The following IKZF2 variants were observed in gnomAD, a reference collection of about 807,000 sequenced individuals.
IKZF2 encodes the protein zinc finger protein Helios.
In IKZF2, 15 loss-of-function variants were observed where a neutral mutation model predicts 49.2. The ratio of observed to expected loss-of-function variants is 0.30; its 90% confidence interval spans 0.20 to 0.47. The LOEUF is 0.47. IKZF2 is among the 20% of genes least tolerant of loss of function. The pLI is 1.00. For synonymous variants in IKZF2, 227 were observed against 221.4 expected (o/e 1.03, Z -0.23); for missense variants, 567 against 664.6 (o/e 0.85, Z 1.61).
intron 4 of IKZF2, among the ~76,000 whole-genome samples, chr2:213,120,044 C>T (rs1242784746): frequency 6.6e-6 from 1 of 152,186 alleles, no homozygotes; most frequent in Non-Finnish European, 1.5e-5. Flanking sequence ...TTCTTCAAGG[C>T]CAGTTCCTAC....
intron 6 of IKZF2, among the ~76,000 whole-genome samples, chr2:213,047,308 G>GC (rs1366243761): frequency 6.6e-6 from 1 of 152,114 alleles, no homozygotes; most frequent in East Asian, 1.9e-4. Context: ...GAATCAGCTG[G>GC]CTACATGGAG....
At chr2:213,026,762 T>C (rs1282716886) in intron 6 of IKZF2, among the ~76,000 whole-genome samples, 1 of 152,144 alleles carries the variant, frequency 6.6e-6, no homozygotes, top group Non-Finnish European at 1.5e-5. Flanking sequence ...TACACTGTTA[T>C]TTTATAACCT....
At chr2:213,127,328 C>T (rs1394415553) in intron 4 of IKZF2, among the ~76,000 whole-genome samples, 1 of 152,082 alleles carries the variant, frequency 6.6e-6, no homozygotes, top group African/African-American at 2.4e-5. Context: ...TAATTTCAAA[C>T]CTCTTCCCAA....
intron 4 of IKZF2, among the ~76,000 whole-genome samples, chr2:213,062,210 G>A (rs961173706): frequency 1.3e-5 from 2 of 151,500 alleles, no homozygotes; most frequent in Admixed American, 6.6e-5. Context: ...ACATAGTAAT[G>A]AGAACTGAAA....
chr2:213,083,363 G>C (rs528237714), intron 4 of IKZF2, among the ~76,000 whole-genome samples: 1 of 140,338 alleles, frequency 7.1e-6, no homozygotes, highest in Admixed American at 7.1e-5. Flanking sequence ...TATGGCACTA[G>C]ATTCTCATAG....
At chr2:213,053,488 AAGAC>A (rs1381447119) in intron 5 of IKZF2, among the ~76,000 whole-genome samples, 1 of 152,202 alleles carries the variant, frequency 6.6e-6, no homozygotes, top group African/African-American at 2.4e-5. Flanking sequence ...TGGTGAATCA[AAGAC>A]AGAGGGTGCT....
intron 4 of IKZF2, among the ~76,000 whole-genome samples, chr2:213,125,192 T>A (rs1313110761): frequency 6.6e-6 from 1 of 152,192 alleles, no homozygotes; most frequent in Non-Finnish European, 1.5e-5. Flanking sequence ...GTGTATAACA[T>A]TTGAAAATTT....
At chr2:213,131,761 G>A (rs1395411583) in intron 4 of IKZF2, among the ~76,000 whole-genome samples, 1 of 152,160 alleles carries the variant, frequency 6.6e-6, no homozygotes, top group East Asian at 1.9e-4. Flanking sequence ...GACTAGCTGG[G>A]TGATTTGGTC....
At chr2:213,095,946 G>T (rs1165423629) in intron 4 of IKZF2, among the ~76,000 whole-genome samples, 2 of 151,858 alleles carry the variant, frequency 1.3e-5, no homozygotes, top group Non-Finnish European at 2.9e-5. Flanking sequence ...ATTCCCATTT[G>T]TAGTATCTTT....
chr2:213,015,530 C>A (rs1167642780), intron 7 of IKZF2, among the ~76,000 whole-genome samples: 2 of 151,916 alleles, frequency 1.3e-5, no homozygotes, highest in African/African-American at 4.8e-5. Context: ...CAAAGAATTT[C>A]AAAAACATTC....
In IKZF2 at chr2:213,147,829, T is replaced by G. The variant is rs1347080479; in HGVS notation, c.35-17A>C. On this transcript the variant is annotated splice_polypyrimidine_tract_variant and intron_variant, in intron 3 of 8. Transcript: ENST00000434687. ...CATTGTCACCTGCTTTCACAAAATA[T>G]AATCTTTTGGTTTCTATTCATTGTC... 1 of 1,581,422 alleles carries G rather than the reference T, an allele frequency of 6.3e-7. No homozygotes were observed. The highest frequency in any genetic ancestry group is 8.7e-7 in the Non-Finnish European group (1 of 1,150,232).
intron 6 of IKZF2, among the ~76,000 whole-genome samples, chr2:213,038,928 G>C (rs2125248148): frequency 6.6e-6 from 1 of 151,996 alleles, no homozygotes; most frequent in African/African-American, 2.4e-5. Flanking sequence ...TTTAAAACTA[G>C]AGCAACTAAC....
chr2:213,123,166 T>A (rs1050463780), intron 4 of IKZF2, among the ~76,000 whole-genome samples: 1 of 152,226 alleles, frequency 6.6e-6, no homozygotes, highest in African/African-American at 2.4e-5. Flanking sequence ...CACCTAGGAA[T>A]CTTTCTTAAG....
chr2:213,141,593 C>T (rs1196936691), intron 4 of IKZF2, among the ~76,000 whole-genome samples: 1 of 151,914 alleles, frequency 6.6e-6, no homozygotes, highest in African/African-American at 2.4e-5. Flanking sequence ...AAAAGGCCTT[C>T]CAGTTACTCC....
At chr2:213,075,292 T>A (rs1703139152) in intron 4 of IKZF2, among the ~76,000 whole-genome samples, 1 of 152,132 alleles carries the variant, frequency 6.6e-6, no homozygotes, top group African/African-American at 2.4e-5. Context: ...TGTGTTTATG[T>A]TCATTAGCAA....
chr2:213,117,549 T>C (rs1374730179), intron 4 of IKZF2, among the ~76,000 whole-genome samples: 1 of 152,162 alleles, frequency 6.6e-6, no homozygotes, highest in Non-Finnish European at 1.5e-5. Flanking sequence ...TGCACAACAG[T>C]CAAGACATGC....
At chr2:213,124,619 T>C (rs1211162373) in intron 4 of IKZF2, among the ~76,000 whole-genome samples, 1 of 152,244 alleles carries the variant, frequency 6.6e-6, no homozygotes, top group Non-Finnish European at 1.5e-5. Flanking sequence ...TTCTCTGCTC[T>C]CAAGAGTATT....
intron 4 of IKZF2, among the ~76,000 whole-genome samples, chr2:213,116,541 C>G (rs114629872): frequency 0.022 from 3,330 of 152,186 alleles, 126 homozygotes; most frequent in African/African-American, 0.076. Context: ...TCAAGACCAG[C>G]CTGGGAAACA....
chr2:213,090,386 A>AT (rs1411671093), intron 4 of IKZF2, among the ~76,000 whole-genome samples: 1 of 151,972 alleles, frequency 6.6e-6, no homozygotes, highest in Non-Finnish European at 1.5e-5. Context: ...GTTAAGTCCA[A>AT]TTTTTTTTCT....
Sources: allele counts gnomAD v4.1 joint callset (sites outside exome capture counted in the v4.1 genomes callset), GRCh38; gene constraint gnomAD v4.1.1; transcripts MANE v1.5; gene names NCBI Gene and HGNC (gene_info 2026-07-23, HGNC 2026-07-21).